The following WNK1 variants were observed in gnomAD, a reference collection of about 807,000 sequenced individuals.
The protein encoded by WNK1 is WNK lysine deficient protein kinase 1.
WNK1 carries 38 observed loss-of-function variants against 222.8 expected under a neutral mutation model. The observed-to-expected ratio is 0.17, with a 90% CI of 0.13 to 0.22. The LOEUF is 0.22. Among genes scored for constraint, WNK1 ranks in the 10% least tolerant of loss-of-function variants. The probability of loss-of-function intolerance (pLI) is 1.00; values close to 1 mark genes in which losing one functional copy is unlikely to be tolerated. For missense variants in WNK1, 2,348 were observed against 2,918.4 expected, an observed-to-expected ratio of 0.80 and a Z score of 4.50; for synonymous variants, 1,090 against 1,092.9, an observed-to-expected ratio of 1.00 and a Z score of 0.05.
At chr12:784,840 C>G (rs1201175985) in intron 1 of WNK1, among the ~76,000 whole-genome samples, 1 of 152,118 alleles carries the variant, frequency 6.6e-6, no homozygotes, top group Non-Finnish European at 1.5e-5. Context: ...GGTTTTTGAT[C>G]CTGCTTCCAG....
At chr12:906,398 C>T in intron 26 of WNK1, 1 of 985,322 alleles carries the variant, frequency 1.0e-6, no homozygotes, top group African/African-American at 1.7e-5. Context: ...GTTCCTTCAT[C>T]ATAACCGCAA....
chr12:869,711 A>G (rs982796684), intron 8 of WNK1, among the ~76,000 whole-genome samples: 5 of 152,174 alleles, frequency 3.3e-5, no homozygotes, highest in Admixed American at 6.5e-5. Context: ...GCATCAGTCA[A>G]GCAAGTTGCT....
At chr12:892,218 C>G (rs541747927) in intron 22 of WNK1, among the ~76,000 whole-genome samples, 2 of 151,966 alleles carry the variant, frequency 1.3e-5, no homozygotes, top group Non-Finnish European at 2.9e-5. Context: ...TAATGCCATC[C>G]CTCCCCCGTC....
At chr12:819,752 G>T (rs11503140) in intron 2 of WNK1, among the ~76,000 whole-genome samples, 1 of 152,030 alleles carries the variant, frequency 6.6e-6, no homozygotes, top group African/African-American at 2.4e-5. Context: ...TGTGTATGCC[G>T]TGAGGTAGGG....
rs551515982 is a variant in WNK1, at chr12:893,409, T to C, written c.5510-1153T>C. ...TTGATATGGAATGATCTCAAAGATA[T>C]AGAATTACATGAAAACATAAAAATC... On this transcript the variant is annotated intron_variant, in intron 22 of 27. Coordinates refer to ENST00000315939, the MANE Select transcript of WNK1 (RefSeq NM_018979.4). 2.0e-4 allele frequency among the ~76,000 whole-genome samples: 31 copies of C among 152,302 alleles called. No individual in the cohort carries two copies. The South Asian group carries it at 5.8e-3, about 28-fold the overall frequency.
intron 19 of WNK1, among the ~76,000 whole-genome samples, chr12:886,841 A>C (rs1953707892): frequency 6.6e-6 from 1 of 152,200 alleles, no homozygotes; most frequent in African/African-American, 2.4e-5. Context: ...TTAACCAGTT[A>C]CTGTTTTCTT....
chr12:818,622 T>C (rs1290414533), intron 2 of WNK1, among the ~76,000 whole-genome samples: 1 of 152,246 alleles, frequency 6.6e-6, no homozygotes, highest in Non-Finnish European at 1.5e-5. Flanking sequence ...CGTGGAACAA[T>C]TTCCCATTTC....
rs752492830 is a variant in WNK1, at chr12:879,909, A to G, written c.2710A>G (p.Thr904Ala). Residue 904 changes from threonine (T) to alanine (A), a missense_variant, in exon 11 of 28, where the codon ACT (threonine) becomes GCT (alanine). Transcript: ENST00000315939. ...GCTTCCAACCCTTCTGCAGCCTGTGACTCAGCTGCCAAGTCAGGTTCACCC... is the reference window on the plus strand; with the variant it reads ...GCTTCCAACCCTTCTGCAGCCTGTGGCTCAGCTGCCAAGTCAGGTTCACCC... The part of the protein sequence containing the change: ...SQLPTLLQPV[T>A]QLPSQVHPQL... 11 of 1,613,862 alleles carry G rather than the reference A, an allele frequency of 6.8e-6. No individual in the cohort carries two copies. The highest frequency in any genetic ancestry group is 2.7e-5 in the African/African-American group (2 of 74,868).
In WNK1 at chr12:760,531, TATAAC is replaced by T. The variant is rs929657528; in HGVS notation, c.759+6209_759+6213del. ...GAAAAATGTTAAGTGTTATATAAAA[TATAAC>T]AGAATACTTAAATATTCATTTAGAA... On this transcript the variant is annotated intron_variant, in intron 1 of 27. Coordinates refer to ENST00000315939, the MANE Select transcript of WNK1 (RefSeq NM_018979.4). Among the ~76,000 whole-genome samples, 61 of 147,864 alleles carry T rather than the reference TATAAC, an allele frequency of 4.1e-4. 1 individual carries two copies. Among genetic ancestry groups the T allele is most frequent in the African/African-American group, 1.5e-3 (61 of 41,276 alleles).
At chr12:815,714 G>C (rs1344303490) in intron 2 of WNK1, among the ~76,000 whole-genome samples, 4 of 152,178 alleles carry the variant, frequency 2.6e-5, no homozygotes, top group African/African-American at 9.7e-5. Flanking sequence ...TCTTTCCACT[G>C]GTTTGGATAC....
Position 896,302 on chromosome 12 carries a change from C to A in WNK1, c.5815C>A (p.Gln1939Lys). Residue 1939 changes from glutamine to lysine, a missense_variant, in exon 24 of 28, where the codon CAG (glutamine) becomes AAG (lysine). Physicochemically the swap from Gln to Lys is moderately conservative, Grantham distance 53 (BLOSUM62 1). Coordinates refer to ENST00000315939, the MANE Select transcript of WNK1 (RefSeq NM_018979.4). ...TASEAKSDTG[Q>K]PTKVGRFQVT... Reference sequence around the variant, plus strand: ...CTCAGAGGCAAAGTCAGACACTGGGCAGCCTACCAAGGTTGGACGTTTTCA... The same window carrying A: ...CTCAGAGGCAAAGTCAGACACTGGGAAGCCTACCAAGGTTGGACGTTTTCA... 6.2e-7 allele frequency: 1 copy of A among 1,614,192 alleles called. No homozygotes were observed. The highest frequency in any genetic ancestry group is 8.5e-7 in the Non-Finnish European group (1 of 1,180,034).
At chr12:842,959 G>T (rs1032247627) in intron 4 of WNK1, among the ~76,000 whole-genome samples, 1 of 151,728 alleles carries the variant, frequency 6.6e-6, no homozygotes, top group South Asian at 2.1e-4. Context: ...TTTTGGAGAC[G>T]GAGTCTCTCG....
intron 1 of WNK1, among the ~76,000 whole-genome samples, chr12:772,613 A>G (rs774897160): frequency 6.6e-6 from 1 of 152,192 alleles, no homozygotes; most frequent in Non-Finnish European, 1.5e-5. Flanking sequence ...GAAGTTATAT[A>G]TAAAAAACAC....
At chr12:805,194 A>G (rs943950178) in intron 1 of WNK1, among the ~76,000 whole-genome samples, 2 of 152,086 alleles carry the variant, frequency 1.3e-5, no homozygotes, top group Non-Finnish European at 2.9e-5. Flanking sequence ...TTTTTGAGGA[A>G]CTATCGTGCT....
intron 4 of WNK1, among the ~76,000 whole-genome samples, chr12:845,659 G>C (rs1231179159): frequency 6.6e-6 from 1 of 152,206 alleles, no homozygotes. Flanking sequence ...AAGATTAAAT[G>C]AGAAAGGCAA....
chr12:851,299 G>A (rs1950403707), intron 4 of WNK1: 2 of 920,438 alleles, frequency 2.2e-6, no homozygotes, highest in South Asian at 1.0e-4. Context: ...TTGGTAAATG[G>A]GTTTCTAGTG....
chr12:801,771 T>G (rs1404424161), intron 1 of WNK1, among the ~76,000 whole-genome samples: 4 of 152,140 alleles, frequency 2.6e-5, no homozygotes, highest in Non-Finnish European at 5.9e-5. Context: ...CTCCAATCAT[T>G]ACTACAAATG....
intron 4 of WNK1, among the ~76,000 whole-genome samples, chr12:843,502 C>A (rs1258923260): frequency 6.6e-6 from 1 of 152,134 alleles, no homozygotes; most frequent in African/African-American, 2.4e-5. Flanking sequence ...CACATTTTTG[C>A]AAATCTAATG....
intron 4 of WNK1, among the ~76,000 whole-genome samples, chr12:850,132 G>T (rs1455482904): frequency 6.6e-6 from 1 of 152,190 alleles, no homozygotes; most frequent in African/African-American, 2.4e-5. Context: ...AGATCCCTGA[G>T]GAATCGCCAC....
Sources: gnomAD v4.1 joint callset for allele counts (sites outside exome capture counted in the v4.1 genomes callset) on GRCh38, gnomAD v4.1.1 for gene constraint, MANE v1.5 for transcripts, NCBI Gene and HGNC (gene_info 2026-07-23, HGNC 2026-07-21) for gene names.